Variants in ATP2A3 observed in about 807,000 individuals in gnomAD.
ATP2A3 encodes ATPase sarcoplasmic/endoplasmic reticulum Ca2+ transporting 3, also known as sarcoplasmic/endoplasmic reticulum calcium ATPase 3.
In ATP2A3, 61 loss-of-function variants were observed where a neutral mutation model predicts 106.8. The observed-to-expected ratio is 0.57, with a 90% CI of 0.46 to 0.71. The LOEUF is 0.71. Among genes scored for constraint, ATP2A3 ranks in the 30% least tolerant of loss-of-function variants. ATP2A3 has a pLI of 0.00. For missense variants in ATP2A3, 1,201 were observed against 1,423.5 expected, an observed-to-expected ratio of 0.84 and a Z score of 2.52; for synonymous variants, 611 against 609.3, an observed-to-expected ratio of 1.00 and a Z score of -0.04.
rs530362995 is a variant in ATP2A3, at chr17:3,947,526, T to G, written c.960A>C (p.Ala320=). 2.5e-6 allele frequency: 4 copies of G among 1,613,350 alleles called. No homozygotes were observed. In the African/African-American group the frequency reaches 4.0e-5, roughly 16 times the overall value. The change falls in exon 8 of 21, where the codon GCA becomes GCC. Residue 320 remains alanine, a synonymous_variant. Transcript: ENST00000397041. The surrounding 1 kb of genome is among the most constrained non-coding windows in gnomAD (Gnocchi z 7.7). ...TGCGTGCCATGCGCCGCGTGCCCAG[T>G]GCCAGGCATGTAGTGATGACAGCCG... ...GLPAVITTCL[A]LGTRRMARKN...
chr17:3,942,792 C>T (rs1169614795), intron 11 of ATP2A3, 61 bp from the exon 12 acceptor site: 2 of 1,600,986 alleles, frequency 1.2e-6, no homozygotes, highest in African/African-American at 1.3e-5. Flanking sequence ...GCCTGCCTTC[C>T]CACCAACTGC....
At position 3,947,774 on chromosome 17, in the gene ATP2A3, G is replaced by A. The variant is rs1457394969; in HGVS notation, c.712C>T (p.Gln238Ter). The A allele has an allele frequency of 6.2e-7, 1 of 1,603,362 alleles. No homozygotes were observed. Residue 238 changes from glutamine to a stop codon, truncating the protein, a stop_gained, in exon 8 of 21, where the codon CAG becomes TAG. Coordinates refer to ENST00000397041, the MANE Select transcript of ATP2A3 (RefSeq NM_005173.4). LOFTEE classifies it high-confidence loss of function. The surrounding 1 kb of genome is among the most constrained non-coding windows in gnomAD (Gnocchi z 7.7). ...LHTELGKIRS[Q>*]MAAVEPERTP... ...CGCTCGGGCTCGACTGCCGCCATCTGGCTCCGGATCTTGCCCAGCTCCGTG... is the reference window on the plus strand; with the variant it reads ...CGCTCGGGCTCGACTGCCGCCATCTAGCTCCGGATCTTGCCCAGCTCCGTG...
At chr17:3,958,685 CCTT>C (rs1355942853) in intron 1 of ATP2A3, among the ~76,000 whole-genome samples, 3 of 149,606 alleles carry the variant, frequency 2.0e-5, no homozygotes, top group Admixed American at 6.7e-5. Context: ...TTTTGCAAAA[CCTT>C]CTCCTCCTCA....
rs1013071964 is a variant in ATP2A3 at position 3,929,739 on chromosome 17, C to A, written c.2745-294G>T. Among the ~76,000 whole-genome samples the A allele has an allele frequency of 6.6e-6, 1 of 152,106 alleles. No homozygotes were observed. Among genetic ancestry groups the A allele is most frequent in the South Asian group, 2.1e-4 (1 of 4,836 alleles). On this transcript the variant is annotated intron_variant, in intron 18 of 20. Transcript: ENST00000397041. This position sits in a 1 kb window ranked among gnomAD's most constrained non-coding sequence, Gnocchi z 4.3. ...TTGACCCTTAGGCCCCAATCCAGATCCCCAAATCTTTGGATCCCAATCTTG... is the reference window on the plus strand; with the variant it reads ...TTGACCCTTAGGCCCCAATCCAGATACCCAAATCTTTGGATCCCAATCTTG...
rs1384549864 is a variant in ATP2A3, at chr17:3,957,247, CAG to C, written c.119-3539_119-3538del. On this transcript the variant is annotated intron_variant, in intron 1 of 20. Transcript: ENST00000397041. ...TATGCCCATTTTACAGAGTACACAA[CAG>C]AGAGGTTGAGTGACTAGTTCACCGT... is the stretch of plus-strand genomic sequence containing the variant. Among the ~76,000 whole-genome samples, 4 of 152,350 alleles carry C rather than the reference CAG, an allele frequency of 2.6e-5. No homozygotes were observed. The East Asian group carries it at 7.7e-4, about 29-fold the overall frequency.
Position 3,936,682 on chromosome 17 carries a change from C to A in ATP2A3, c.2322-213G>T. 1 of 590,322 alleles carries A rather than the reference C, an allele frequency of 1.7e-6. No homozygotes were observed. The highest frequency in any genetic ancestry group is 2.5e-5 in the Admixed American group (1 of 39,270). 36.6% of individuals were successfully genotyped at this position (590,322 alleles called of 1,614,324 possible). ...GCCTTCCCCAGTCCCAGCTCTGGAT[C>A]CTGGACATACCTGCTCTTTAGGCCT... On this transcript the variant is annotated intron_variant, in intron 15 of 20. Coordinates refer to ENST00000397041, the MANE Select transcript of ATP2A3 (RefSeq NM_005173.4). The surrounding 1 kb of genome is among the most constrained non-coding windows in gnomAD (Gnocchi z 5.4).
At chr17:3,958,729 TA>T (rs2054931164) in intron 1 of ATP2A3, among the ~76,000 whole-genome samples, 1 of 117,842 alleles carries the variant, frequency 8.5e-6, no homozygotes, top group Non-Finnish European at 1.7e-5. Context: ...CACATATATA[TA>T]CACATATATA....
In ATP2A3 at chr17:3,925,357, G is replaced by C. The variant is rs771637066; in HGVS notation, c.*65C>G. On this transcript the variant is annotated 3_prime_UTR_variant, in exon 21 of 21. Coordinates refer to ENST00000397041, the MANE Select transcript of ATP2A3 (RefSeq NM_005173.4). The surrounding 1 kb of genome is among the most constrained non-coding windows in gnomAD (Gnocchi z 4.2). ...AGTGTGGTGGCAAGGGTGGGGGGCGGAGGCGAACACATGGGCACCATCAGT... is the reference window on the plus strand; with the variant it reads ...AGTGTGGTGGCAAGGGTGGGGGGCGCAGGCGAACACATGGGCACCATCAGT... The C allele has an allele frequency of 3.1e-6, 5 of 1,613,476 alleles. No homozygotes were observed. The highest frequency in any genetic ancestry group is 4.2e-6 in the Non-Finnish European group (5 of 1,179,802).
chr17:3,959,944 G>A (rs1158323264), intron 1 of ATP2A3, among the ~76,000 whole-genome samples: 1 of 152,224 alleles, frequency 6.6e-6, no homozygotes, highest in Non-Finnish European at 1.5e-5. Context: ...GTGTAAGAGG[G>A]TGAGGGGGCC....
At chr17:3,960,618 G>A (rs187084021) in intron 1 of ATP2A3, among the ~76,000 whole-genome samples, 95 of 152,326 alleles carry the variant, frequency 6.2e-4, no homozygotes, top group African/African-American at 2.0e-3. Context: ...CCCATTTGGT[G>A]GCTCCTTAAC....
chr17:3,936,583 A>G lies in ATP2A3; in HGVS notation c.2322-114T>C. The G allele has an allele frequency of 9.0e-7, 1 of 1,115,100 alleles. No individual in the cohort carries two copies. Among genetic ancestry groups the G allele is most frequent in the South Asian group, 1.3e-5 (1 of 77,988 alleles). The allele number at this position is 1,115,100 out of a possible 1,614,324, so 69.1% of individuals were successfully genotyped here. A position where few individuals can be genotyped will look rare whatever the true frequency, so the allele number is the denominator to read the frequency against. The stretch of plus-strand genomic sequence containing the variant: ...CTCACCCACCCACTGTCTCCACAGC[A>G]GCCCCTCCTCCCTCCGCCAGCTGTG... On this transcript the variant is annotated intron_variant, in intron 15 of 20. Coordinates refer to ENST00000397041, the MANE Select transcript of ATP2A3 (RefSeq NM_005173.4). The surrounding 1 kb of genome is among the most constrained non-coding windows in gnomAD (Gnocchi z 5.4).
rs541685249 is a variant in ATP2A3 at position 3,928,749 on chromosome 17, C to T, written c.2894G>A (p.Arg965His). Residue 965 changes from arginine (R) to histidine (H), a missense_variant, in exon 20 of 21, where the codon CGC becomes CAC. Physicochemically the swap from Arg to His is conservative, Grantham distance 29. Transcript: ENST00000397041. This position sits in a 1 kb window ranked among gnomAD's most constrained non-coding sequence, Gnocchi z 6.1. ...LIFQVTPLSGRQWVVVLQISL... is the reference protein window; with the variant it reads ...LIFQVTPLSGHQWVVVLQISL... ...TATCTGGAGCACCACCACCCACTGG[C>T]GCCCGCTCAGTGGGGTCACCTGGAA... 1.4e-5 allele frequency: 21 copies of T among 1,552,758 alleles called. No individual in the cohort carries two copies. The highest frequency in any genetic ancestry group is 2.7e-5 in the African/African-American group (2 of 73,180).
chr17:3,938,171 C>T (rs975175569), intron 14 of ATP2A3, among the ~76,000 whole-genome samples: 11 of 152,176 alleles, frequency 7.2e-5, no homozygotes, highest in African/African-American at 2.7e-4. Context: ...CGGTGGCTCA[C>T]GCCTGTAATC....
intron 9 of ATP2A3, 56 bp from the exon 10 acceptor site, chr17:3,944,862 C>T (rs1267929905): frequency 1.1e-6 from 1 of 940,478 alleles, no homozygotes. Context: ...GAGAGGGGTC[C>T]GCCTCTTGGC....
rs781251718 is a variant in ATP2A3, at chr17:3,947,664, G to A, written c.822C>T (p.Ile274=). ...CCGGGTCGGCGAAGTGGCCGATGTT[G>A]ATGACCCACACGGCCACGCAGATCA... The part of the protein sequence containing the change: ...ISVICVAVWV[I]NIGHFADPAH... Residue 274 remains isoleucine (I), a synonymous_variant, in exon 8 of 21, where the codon ATC becomes ATT. Transcript: ENST00000397041. This position sits in a 1 kb window ranked among gnomAD's most constrained non-coding sequence, Gnocchi z 7.7. 6.2e-7 allele frequency: 1 copy of A among 1,612,324 alleles called. No individual in the cohort carries two copies. Among genetic ancestry groups the A allele is most frequent in the Non-Finnish European group, 8.5e-7 (1 of 1,179,894 alleles).
At position 3,940,986 on chromosome 17, in the gene ATP2A3, G is replaced by A. The variant is rs777316611; in HGVS notation, c.2085C>T (p.Asn695=). The part of the protein sequence containing the change: ...SRIVENLQSF[N]EITAMTGDGV... The stretch of plus-strand genomic sequence containing the variant: ...GTGGCCTCACCATAGCAGTGATCTC[G>A]TTAAAGGACTGCAGGTTCTCCACGA... Residue 695 remains asparagine (N), a synonymous_variant, in exon 14 of 21, where the codon AAC becomes AAT. Transcript: ENST00000397041. 6.2e-6 allele frequency: 10 copies of A among 1,613,834 alleles called. No individual in the cohort carries two copies. Among genetic ancestry groups the A allele is most frequent in the African/African-American group, 4.0e-5 (3 of 74,910 alleles).
At chr17:3,950,909 C>T (rs911482740) in intron 5 of ATP2A3, 136 bp from the exon 6 acceptor site, 2 of 902,978 alleles carry the variant, frequency 2.2e-6, no homozygotes, top group Non-Finnish European at 1.7e-6. Flanking sequence ...GACCCCTGCC[C>T]CTCTGGCCCA....
rs1567688716 is a variant in ATP2A3 at position 3,936,820 on chromosome 17, CGG to C, written c.2322-353_2322-352del. The C allele has an allele frequency of 1.3e-5, 5 of 379,400 alleles. No individual in the cohort carries two copies. The highest frequency in any genetic ancestry group is 2.3e-5 in the South Asian group (1 of 42,562). 23.5% of individuals were successfully genotyped at this position (379,400 alleles called of 1,614,324 possible). A position where few individuals can be genotyped will look rare whatever the true frequency, so the allele number is the denominator to read the frequency against. ...AAAACCTAGCACATGCCACACCATC[CGG>C]CAAACACAAGCAAACACCTACATAT... is the stretch of plus-strand genomic sequence containing the variant. On this transcript the variant is annotated intron_variant, in intron 15 of 20. Coordinates refer to ENST00000397041, the MANE Select transcript of ATP2A3 (RefSeq NM_005173.4). This position sits in a 1 kb window ranked among gnomAD's most constrained non-coding sequence, Gnocchi z 5.4.
At chr17:3,952,230 G>T (rs959996812) in intron 3 of ATP2A3, among the ~76,000 whole-genome samples, 6 of 151,930 alleles carry the variant, frequency 3.9e-5, no homozygotes, top group African/African-American at 1.5e-4. Flanking sequence ...GATTACAGGC[G>T]TGCACCACCA....
Sources: allele counts gnomAD v4.1 joint callset (sites outside exome capture counted in the v4.1 genomes callset), GRCh38; gene constraint gnomAD v4.1.1; non-coding constraint Gnocchi (gnomAD v3.1); transcripts MANE v1.5; gene names NCBI Gene and HGNC (gene_info 2026-07-23, HGNC 2026-07-21).